DYNC2I1: variants seen among roughly 807,000 people sequenced by gnomAD.
DYNC2I1 encodes dynein 2 intermediate chain 1.
A neutral mutation model predicts 133.4 loss-of-function variants in DYNC2I1; 89 were observed. That is an observed-to-expected ratio of 0.67 (90% CI 0.56 to 0.80). DYNC2I1 has a LOEUF of 0.80. Among genes scored for constraint, DYNC2I1 ranks in the 30% least tolerant of loss-of-function variants. The probability of loss-of-function intolerance (pLI) is 0.00; values close to 1 mark genes in which losing one functional copy is unlikely to be tolerated. For missense variants in DYNC2I1, 1,291 were observed against 1,314.5 expected (o/e 0.98, Z 0.28); for synonymous variants, 504 against 484.3 (o/e 1.04, Z -0.54).
rs772564884 is a variant in DYNC2I1 at position 158,923,674 on chromosome 7, A to C, written c.2198A>C (p.His733Pro). 6.2e-7 allele frequency: 1 copy of C among 1,613,962 alleles called. No individual in the cohort carries two copies. The highest frequency in any genetic ancestry group is 8.5e-7 in the Non-Finnish European group (1 of 1,179,892). The change falls in exon 17 of 25, where the codon CAT (histidine) becomes CCT (proline). Residue 733 changes from histidine (H) to proline (P), a missense_variant. Coordinates refer to ENST00000407559, the MANE Select transcript of DYNC2I1 (RefSeq NM_018051.5). ...VWDLREDSRL[H>P]YSVTLSDGFW... The stretch of plus-strand genomic sequence containing the variant: ...GATTTGAGAGAAGACTCAAGGCTGC[A>C]TTACTCTGTGACGCTGAGCGATGGC...
In DYNC2I1 at chr7:158,932,454, C is replaced by T. The variant is rs190010569; in HGVS notation, c.2547-1675C>T. 3.0e-4 allele frequency among the ~76,000 whole-genome samples: 46 copies of T among 152,064 alleles called. 1 individual carries two copies. The East Asian group carries it at 8.7e-3, about 29-fold the overall frequency. On this transcript the variant is annotated intron_variant, in intron 21 of 24. Coordinates refer to ENST00000407559, the MANE Select transcript of DYNC2I1 (RefSeq NM_018051.5). ...GCAGGTGAGCCAGGCCCTAACGAGT[C>T]TGTCTGCCGTGCTAAAGGGTGTGGA...
intron 4 of DYNC2I1, among the ~76,000 whole-genome samples, chr7:158,953,784 TTATA>T (rs570669185): frequency 1.5e-3 from 229 of 152,252 alleles, no homozygotes; most frequent in African/African-American, 5.3e-3. Context: ...GCATCATAGG[TTATA>T]TATATGTTAT....
upstream of DYNC2I1, among the ~76,000 whole-genome samples, chr7:158,854,070 A>G (rs1841114868): frequency 6.6e-6 from 1 of 151,842 alleles, no homozygotes; most frequent in African/African-American, 2.4e-5. Context: ...AGGATTGGAG[A>G]TGAAATCAGG....
chr7:158,954,116 C>G (rs1239242110), intron 4 of DYNC2I1, among the ~76,000 whole-genome samples: 1 of 152,148 alleles, frequency 6.6e-6, no homozygotes, highest in Admixed American at 6.6e-5. Context: ...GGCGGTTCCC[C>G]TGCACACACG....
intron 8 of DYNC2I1, among the ~76,000 whole-genome samples, chr7:158,893,223 G>T (rs2129482593): frequency 1.3e-5 from 2 of 152,204 alleles, no homozygotes; most frequent in Middle Eastern, 6.8e-3. Context: ...AAACCCCTGT[G>T]CTCCGGCTGT....
At chr7:158,911,752 A>G in intron 12 of DYNC2I1, 73 bp downstream of exon 12, 1 of 1,494,554 alleles carries the variant, frequency 6.7e-7, no homozygotes, top group Non-Finnish European at 9.0e-7. Flanking sequence ...TGTCTTCCTG[A>G]ATAATGTTCT....
chr7:158,929,848 T>C (rs1207590971), intron 20 of DYNC2I1, among the ~76,000 whole-genome samples: 2 of 152,192 alleles, frequency 1.3e-5, no homozygotes, highest in Non-Finnish European at 2.9e-5. Flanking sequence ...GAGCCAGCGC[T>C]GTAGCCATGA....
chr7:158,877,583 C>T (rs1843486112), intron 4 of DYNC2I1, among the ~76,000 whole-genome samples: 1 of 152,140 alleles, frequency 6.6e-6, no homozygotes, highest in South Asian at 2.1e-4. Flanking sequence ...GCATCATCTT[C>T]GTTTAAAAGT....
chr7:158,948,307 C>T (rs1278369181), downstream of DYNC2I1, among the ~76,000 whole-genome samples: 2 of 152,236 alleles, frequency 1.3e-5, no homozygotes, highest in Non-Finnish European at 2.9e-5. Context: ...ACCCTGGTGC[C>T]TTGCTGCACG....
In DYNC2I1 at chr7:158,922,383, A is replaced by G. The variant is rs932048938; in HGVS notation, c.1928A>G (p.Lys643Arg). The G allele has an allele frequency of 3.1e-6, 5 of 1,612,798 alleles. No individual in the cohort carries two copies. In the African/African-American group the frequency reaches 5.3e-5, roughly 17 times the overall value. Residue 643 changes from lysine (K) to arginine (R), a missense_variant, in exon 16 of 25, where the codon AAA becomes AGA. By Grantham distance (26) the Lys-to-Arg change is conservative. Coordinates refer to ENST00000407559, the MANE Select transcript of DYNC2I1 (RefSeq NM_018051.5). ...ATATTTTTCTTCTCCCTAGATCGAA[A>G]AGTATCCTCCTTGCACACCTCCCGA... is the stretch of plus-strand genomic sequence containing the variant. ...NTSLPFLQNR[K>R]VSSLHTSRVQ...
At chr7:158,907,064 G>A (rs187045895) in intron 11 of DYNC2I1, among the ~76,000 whole-genome samples, 13 of 151,908 alleles carry the variant, frequency 8.6e-5, no homozygotes, top group Admixed American at 5.2e-4. Context: ...GCACTGAGCC[G>A]TGACTGCACC....
chr7:158,917,330 G>C (rs1848521554), intron 14 of DYNC2I1, among the ~76,000 whole-genome samples: 1 of 151,870 alleles, frequency 6.6e-6, no homozygotes, highest in African/African-American at 2.4e-5. Context: ...AACACCCCCT[G>C]CCCTCCACAC....
chr7:158,882,304 A>C (rs1011033408), intron 5 of DYNC2I1, among the ~76,000 whole-genome samples: 2 of 152,138 alleles, frequency 1.3e-5, no homozygotes, highest in African/African-American at 2.4e-5. Context: ...TAAATCTCAG[A>C]TAGGTGTGGT....
chr7:158,869,005 A>G (rs566925046), intron 1 of DYNC2I1, among the ~76,000 whole-genome samples: 32 of 152,248 alleles, frequency 2.1e-4, no homozygotes, highest in Admixed American at 2.1e-3. Flanking sequence ...GCAGCCTTCT[A>G]ATTTTCTCAC....
chr7:158,929,942 TG>T (rs562598955), intron 20 of DYNC2I1, among the ~76,000 whole-genome samples: 527 of 152,238 alleles, frequency 3.5e-3, no homozygotes, highest in Middle Eastern at 0.01. Context: ...GAGAAGCTGC[TG>T]GAACAGAGAG....
At chr7:158,954,690 T>C (rs1420013313) in intron 4 of DYNC2I1, among the ~76,000 whole-genome samples, 1 of 152,212 alleles carries the variant, frequency 6.6e-6, no homozygotes, top group African/African-American at 2.4e-5. Context: ...AAGTAATATT[T>C]ATATATTGAA....
intron 23 of DYNC2I1, among the ~76,000 whole-genome samples, chr7:158,938,247 A>T (rs978934534): frequency 6.6e-6 from 1 of 152,248 alleles, no homozygotes; most frequent in Non-Finnish European, 1.5e-5. Context: ...TAACATATAA[A>T]GGAGTTCCAG....
In DYNC2I1 at chr7:158,887,022, C is replaced by A; in HGVS notation, c.937C>A (p.His313Asn). Residue 313 changes from histidine (H) to asparagine (N), a missense_variant and splice_region_variant, in exon 7 of 25, where the codon CAT becomes AAT. By Grantham distance (68) the His-to-Asn change is moderately conservative. Transcript: ENST00000407559. ...ATTTTGATTATGTTTGCTTTCCAGGCATGCTGAGAATTTAGTAAGGAATCA... is the reference window on the plus strand; with the variant it reads ...ATTTTGATTATGTTTGCTTTCCAGGAATGCTGAGAATTTAGTAAGGAATCA... ...SSKRDGTSSQHAENLVRNHGK... is the reference protein window; with the variant it reads ...SSKRDGTSSQNAENLVRNHGK... 1.9e-6 allele frequency: 3 copies of A among 1,613,768 alleles called. No individual in the cohort carries two copies. The highest frequency in any genetic ancestry group is 2.5e-6 in the Non-Finnish European group (3 of 1,179,734).
At chr7:158,889,519 A>G (rs947486751) in intron 7 of DYNC2I1, among the ~76,000 whole-genome samples, 1 of 151,862 alleles carries the variant, frequency 6.6e-6, no homozygotes, top group African/African-American at 2.4e-5. Context: ...TTCTTTTCCT[A>G]TTTTCTTCAT....
Sources: gnomAD v4.1 joint callset for allele counts (sites outside exome capture counted in the v4.1 genomes callset) on GRCh38, gnomAD v4.1.1 for gene constraint, MANE v1.5 for transcripts, NCBI Gene and HGNC (gene_info 2026-07-23, HGNC 2026-07-21) for gene names.